The following ARHGAP42 variants were observed in gnomAD, a reference collection of about 807,000 sequenced individuals.
ARHGAP42 encodes the protein Rho GTPase activating protein 42, also known as rho GTPase-activating protein 42.
In ARHGAP42, 63 loss-of-function variants were observed where a neutral mutation model predicts 125.0. The observed-to-expected ratio is 0.50, with a 90% confidence interval of 0.41 to 0.62. The LOEUF is 0.62. Ranked by LOEUF, ARHGAP42 falls within the 20% of genes least tolerant of loss-of-function variation. The probability of loss-of-function intolerance (pLI) is 0.00; values close to 1 mark genes in which losing one functional copy is unlikely to be tolerated. For missense variants in ARHGAP42, 766 were observed against 1,024.2 expected (o/e 0.75, Z 3.44); for synonymous variants, 339 against 351.0 (o/e 0.97, Z 0.38).
At chr11:100,815,257 A>G (rs1384436559) in intron 3 of ARHGAP42, among the ~76,000 whole-genome samples, 1 of 152,188 alleles carries the variant, frequency 6.6e-6, no homozygotes, top group Non-Finnish European at 1.5e-5. Context: ...TTTCATAGAC[A>G]TCCTTGCACT....
chr11:100,728,715 TATATATA>T (rs1400352731), intron 1 of ARHGAP42, among the ~76,000 whole-genome samples: 3 of 4,330 alleles, frequency 6.9e-4, no homozygotes, highest in Non-Finnish European at 1.4e-3. Context: ...TGACTTTGCG[TATATATA>T]TATATATATA....
chr11:100,979,071 A>G (rs1565304919), intron 22 of ARHGAP42, 22 bp downstream of exon 22: 1 of 1,550,518 alleles, frequency 6.4e-7, no homozygotes, highest in Non-Finnish European at 8.7e-7. Flanking sequence ...AAACCCTTAA[A>G]TGCATCTAAA....
At chr11:100,923,567 C>A (rs1244503691) in intron 6 of ARHGAP42, among the ~76,000 whole-genome samples, 1 of 151,312 alleles carries the variant, frequency 6.6e-6, no homozygotes, top group Non-Finnish European at 1.5e-5. Flanking sequence ...AAAAAATGTT[C>A]GTTCACAGGT....
intron 3 of ARHGAP42, among the ~76,000 whole-genome samples, chr11:100,842,730 C>A (rs1213011574): frequency 6.6e-6 from 1 of 151,978 alleles, no homozygotes; most frequent in Non-Finnish European, 1.5e-5. Flanking sequence ...ATTGGGTCAA[C>A]AATGAAATCA....
intron 1 of ARHGAP42, among the ~76,000 whole-genome samples, chr11:100,763,061 C>T (rs1318549254): frequency 1.4e-5 from 2 of 144,772 alleles, no homozygotes; most frequent in Non-Finnish European, 3.0e-5. Flanking sequence ...CTCACCACAA[C>T]CTCCTCCTCC....
chr11:100,932,634 T>C (rs1867619029), intron 6 of ARHGAP42, among the ~76,000 whole-genome samples: 1 of 152,192 alleles, frequency 6.6e-6, no homozygotes, highest in Non-Finnish European at 1.5e-5. Context: ...TGTTTTATGT[T>C]CTTTCCATTC....
rs773088897 is a variant in ARHGAP42, at chr11:100,992,294, C to T, written c.*3493C>T. The T allele has an allele frequency of 6.4e-7, 1 of 1,566,428 alleles. No individual in the cohort carries two copies. Among genetic ancestry groups the T allele is most frequent in the Non-Finnish European group, 8.6e-7 (1 of 1,160,774 alleles). On this transcript the variant is annotated 3_prime_UTR_variant, in exon 24 of 24. Coordinates refer to ENST00000298815, the MANE Select transcript of ARHGAP42 (RefSeq NM_152432.4). ...CTTTGCTTTTATGATACATTTGTAA[C>T]TCACAGCTGTTAGCATGACCTCACA...
intron 3 of ARHGAP42, among the ~76,000 whole-genome samples, chr11:100,837,010 G>T (rs1864804611): frequency 6.6e-6 from 1 of 151,898 alleles, no homozygotes; most frequent in Non-Finnish European, 1.5e-5. Context: ...GTTCAAGATT[G>T]TAAATTTCTC....
chr11:100,946,159 C>CT (rs1215484608), intron 10 of ARHGAP42, among the ~76,000 whole-genome samples: 1 of 152,042 alleles, frequency 6.6e-6, no homozygotes, highest in Non-Finnish European at 1.5e-5. Flanking sequence ...TAGGTTCATA[C>CT]TTTTTTTCTG....
At chr11:100,965,270 C>T (rs1449975735) in intron 16 of ARHGAP42, among the ~76,000 whole-genome samples, 4 of 152,116 alleles carry the variant, frequency 2.6e-5, no homozygotes, top group Non-Finnish European at 5.9e-5. Flanking sequence ...CAAACCATAT[C>T]AATGGGCTAA....
In ARHGAP42 at chr11:100,936,173, G is replaced by A. The variant is rs1363064997; in HGVS notation, c.703-30G>A. The A allele has an allele frequency of 3.2e-6, 5 of 1,549,270 alleles. No homozygotes were observed. In the Admixed American group the frequency reaches 9.8e-5, roughly 30 times the overall value. On this transcript the variant is annotated intron_variant, in intron 7 of 23. Transcript: ENST00000298815. ...TTGCTGAAACTTGGTAGAAAATAAT[G>A]ACTGAAATTATTGTTTCTGTTTACT...
chr11:100,876,148 T>C (rs569037326), intron 4 of ARHGAP42, among the ~76,000 whole-genome samples: 68 of 152,360 alleles, frequency 4.5e-4, no homozygotes, highest in Non-Finnish European at 6.3e-4. Flanking sequence ...TGGCTTCCTA[T>C]GTTGGAAAAC....
chr11:100,860,094 T>G (rs994196520), intron 4 of ARHGAP42, among the ~76,000 whole-genome samples: 4 of 152,208 alleles, frequency 2.6e-5, no homozygotes, highest in African/African-American at 9.6e-5. Flanking sequence ...AATTAAATTT[T>G]TTCTGATTCT....
At chr11:100,938,407 C>A (rs1473203968) in intron 8 of ARHGAP42, among the ~76,000 whole-genome samples, 3 of 152,108 alleles carry the variant, frequency 2.0e-5, no homozygotes, top group Non-Finnish European at 2.9e-5. Context: ...CAGTTCATTT[C>A]TCCTTATTAG....
At chr11:100,788,902 ACTCT>A (rs1565214549) in intron 2 of ARHGAP42, among the ~76,000 whole-genome samples, 1 of 151,888 alleles carries the variant, frequency 6.6e-6, no homozygotes, top group Non-Finnish European at 1.5e-5. Context: ...AAAAATTAAG[ACTCT>A]CTCAGTGGAA....
intron 3 of ARHGAP42, among the ~76,000 whole-genome samples, chr11:100,803,731 T>G (rs1316120280): frequency 6.6e-6 from 1 of 152,206 alleles, no homozygotes; most frequent in Non-Finnish European, 1.5e-5. Flanking sequence ...CCCCTCACTT[T>G]CTAGTATAGT....
At chr11:100,763,416 G>A (rs568976157) in intron 1 of ARHGAP42, among the ~76,000 whole-genome samples, 9 of 152,256 alleles carry the variant, frequency 5.9e-5, no homozygotes, top group Non-Finnish European at 1.3e-4. Flanking sequence ...CCTTCAAGAA[G>A]CCTAAAACCT....
chr11:100,759,212 C>A (rs1200438903), intron 1 of ARHGAP42, among the ~76,000 whole-genome samples: 1 of 152,134 alleles, frequency 6.6e-6, no homozygotes, highest in Non-Finnish European at 1.5e-5. Flanking sequence ...AATGAAAGAA[C>A]CTTCTGGCCA....
intron 3 of ARHGAP42, among the ~76,000 whole-genome samples, chr11:100,859,199 G>A (rs1231775502): frequency 1.3e-5 from 2 of 152,020 alleles, no homozygotes; most frequent in African/African-American, 4.8e-5. Context: ...TTAAAATGAT[G>A]CTTGAACTGG....
Sources: allele counts gnomAD v4.1 joint callset (sites outside exome capture counted in the v4.1 genomes callset), GRCh38; gene constraint gnomAD v4.1.1; transcripts MANE v1.5; gene names NCBI Gene and HGNC (gene_info 2026-07-23, HGNC 2026-07-21).